Variants in ZMYND8 observed in about 807,000 individuals in gnomAD.
ZMYND8 encodes MYND-type zinc finger-containing chromatin reader ZMYND8.
Under a neutral mutation model 140.8 loss-of-function variants are expected in ZMYND8, and 37 were observed. That is an observed-to-expected ratio of 0.26 (90% CI 0.20 to 0.35). ZMYND8 has a LOEUF of 0.35. ZMYND8 is among the 10% of genes least tolerant of loss of function. The pLI is 1.00. For missense variants in ZMYND8, 1,068 were observed against 1,570.0 expected (o/e 0.68, Z 5.40); for synonymous variants, 592 against 597.1 (o/e 0.99, Z 0.12).
rs561481320 is a variant in ZMYND8, at chr20:47,281,796, C to CA, written c.998+305dup. On this transcript the variant is annotated intron_variant, in intron 10 of 22. Transcript: ENST00000471951. ...TTAATTTACTTCAGAAACCCCCTCC[C>CA]AAAAAATCAAACCAAAACAAAAAAG... 4.1e-3 allele frequency among the ~76,000 whole-genome samples: 621 copies of CA among 152,126 alleles called. 3 individuals are homozygous for CA. Among genetic ancestry groups the CA allele is most frequent in the African/African-American group, 0.014 (578 of 41,486 alleles).
At chr20:47,219,785 A>G (rs564250854) in intron 21 of ZMYND8, among the ~76,000 whole-genome samples, 2 of 152,294 alleles carry the variant, frequency 1.3e-5, no homozygotes, top group East Asian at 3.9e-4. Context: ...GTTATTCTCC[A>G]AAAGGAAAGG....
intron 2 of ZMYND8, among the ~76,000 whole-genome samples, chr20:47,325,752 A>ACTTTTTTT (rs2080356973): frequency 6.6e-6 from 1 of 151,984 alleles, no homozygotes; most frequent in Non-Finnish European, 1.5e-5. Context: ...AAGACAACCA[A>ACTTTTTTT]TTTACTCATT....
intron 2 of ZMYND8, among the ~76,000 whole-genome samples, chr20:47,335,806 G>T (rs995020096): frequency 6.6e-6 from 1 of 152,170 alleles, no homozygotes. Flanking sequence ...CAGTAGAGAC[G>T]ATGCTGGCCA....
chr20:47,261,576 TCA>T (rs1569025775), intron 12 of ZMYND8, among the ~76,000 whole-genome samples: 6 of 151,654 alleles, frequency 4.0e-5, no homozygotes, highest in Middle Eastern at 3.4e-3. Context: ...ATCATCATCA[TCA>T]TCATCATCAT....
intron 3 of ZMYND8, among the ~76,000 whole-genome samples, chr20:47,302,863 T>C (rs1252128937): frequency 6.6e-6 from 1 of 152,166 alleles, no homozygotes; most frequent in African/African-American, 2.4e-5. Context: ...ACTAAAAACC[T>C]GACAGAAGGG....
intron 2 of ZMYND8, among the ~76,000 whole-genome samples, chr20:47,335,825 TAGA>T (rs1326910281): frequency 6.6e-6 from 1 of 152,152 alleles, no homozygotes; most frequent in Non-Finnish European, 1.5e-5. Context: ...CAAGAGAAGG[TAGA>T]AGATTTCTCA....
chr20:47,238,900 T>C lies in ZMYND8; in HGVS notation c.2523A>G (p.Ser841=). 2 of 1,614,052 alleles carry C rather than the reference T, an allele frequency of 1.2e-6. No homozygotes were observed. The highest frequency in any genetic ancestry group is 1.7e-6 in the Non-Finnish European group (2 of 1,180,018). Residue 841 remains serine, a synonymous_variant, in exon 15 of 23, where the codon TCA becomes TCG. Coordinates refer to ENST00000471951, the MANE Select transcript of ZMYND8 (RefSeq NM_001281775.3). Reference sequence around the variant, plus strand: ...GGGAGGACGTTTGAAACTTACTTGATGAGTTCCACACGACCCGCTGCACGG... The same window carrying C: ...GGGAGGACGTTTGAAACTTACTTGACGAGTTCCACACGACCCGCTGCACGG... ...APAVQRVVWN[S]SSKFQTSSQK...
chr20:47,312,779 G>A (rs545512497), intron 2 of ZMYND8, among the ~76,000 whole-genome samples: 8 of 145,294 alleles, frequency 5.5e-5, no homozygotes, highest in Non-Finnish European at 1.2e-4. Context: ...GACAGAGCGA[G>A]ACTCCGTCTC....
At position 47,256,248 on chromosome 20, in the gene ZMYND8, G is replaced by A. The variant is rs575203454; in HGVS notation, c.1621+6040C>T. Among the ~76,000 whole-genome samples the A allele has an allele frequency of 1.2e-4, 19 of 152,068 alleles. No individual in the cohort carries two copies. In the South Asian group the frequency reaches 3.5e-3, roughly 28 times the overall value. On this transcript the variant is annotated intron_variant, in intron 12 of 22. Coordinates refer to ENST00000471951, the MANE Select transcript of ZMYND8 (RefSeq NM_001281775.3). ...TAATCCCAGCACTTTGGGAGGCTGA[G>A]GCAGGAGGACTGCTTGAGGCCAGAA... is the stretch of plus-strand genomic sequence containing the variant.
intron 2 of ZMYND8, among the ~76,000 whole-genome samples, chr20:47,332,776 C>A (rs1451601791): frequency 6.6e-6 from 1 of 151,990 alleles, no homozygotes. Context: ...TAATAGTTAC[C>A]CTATGACCCC....
At chr20:47,214,155 G>A (rs900242944) in intron 21 of ZMYND8, among the ~76,000 whole-genome samples, 2 of 152,166 alleles carry the variant, frequency 1.3e-5, no homozygotes, top group Non-Finnish European at 2.9e-5. Flanking sequence ...GATATGTCAC[G>A]TGCGCTGTCA....
intron 21 of ZMYND8, among the ~76,000 whole-genome samples, chr20:47,219,625 T>G (rs538807586): frequency 3.3e-5 from 5 of 151,880 alleles, no homozygotes; most frequent in Non-Finnish European, 7.4e-5. Context: ...GGAAGACACC[T>G]TCTCTGAACC....
intron 1 of ZMYND8, 23 bp from the exon 2 acceptor site, chr20:47,347,949 C>A: frequency 1.2e-6 from 2 of 1,612,808 alleles, no homozygotes; most frequent in South Asian, 2.2e-5. Flanking sequence ...AAATTATGTT[C>A]ATGTTTAGGA....
At chr20:47,212,513 G>T in intron 22 of ZMYND8, 129 bp downstream of exon 22, 1 of 1,033,432 alleles carries the variant, frequency 9.7e-7, no homozygotes, top group Non-Finnish European at 1.5e-6. Flanking sequence ...TGCAAAGGAA[G>T]ACCCACAACT....
chr20:47,288,392 C>CTTTTTT (rs11411701), intron 7 of ZMYND8, among the ~76,000 whole-genome samples: 6 of 123,284 alleles, frequency 4.9e-5, no homozygotes, highest in Admixed American at 8.8e-5. Context: ...TACACCAATT[C>CTTTTTT]TTTTTTTTTT....
At chr20:47,239,995 G>A (rs748678315) in intron 14 of ZMYND8, among the ~76,000 whole-genome samples, 87 of 151,240 alleles carry the variant, frequency 5.8e-4, no homozygotes, top group Admixed American at 4.7e-3. Flanking sequence ...CCAGCACTTC[G>A]GGAGGCTGAG....
At chr20:47,273,842 G>A (rs2076102545) in intron 11 of ZMYND8, among the ~76,000 whole-genome samples, 1 of 152,156 alleles carries the variant, frequency 6.6e-6, no homozygotes, top group Admixed American at 6.5e-5. Context: ...GACCCAAAAA[G>A]CCTAAAATAC....
At chr20:47,270,710 A>G (rs1379078705) in intron 11 of ZMYND8, among the ~76,000 whole-genome samples, 1 of 150,994 alleles carries the variant, frequency 6.6e-6, no homozygotes, top group Non-Finnish European at 1.5e-5. Flanking sequence ...AAAAAAAAAA[A>G]AAAAAAAAAG....
chr20:47,281,152 T>A (rs2076581877), intron 10 of ZMYND8, among the ~76,000 whole-genome samples: 2 of 152,216 alleles, frequency 1.3e-5, no homozygotes, highest in Non-Finnish European at 2.9e-5. Context: ...GTGCAATACT[T>A]CCTACCAAAT....
Sources: gnomAD v4.1 joint callset for allele counts (sites outside exome capture counted in the v4.1 genomes callset) on GRCh38, gnomAD v4.1.1 for gene constraint, MANE v1.5 for transcripts, NCBI Gene and HGNC (gene_info 2026-07-23, HGNC 2026-07-21) for gene names.